The following PRKCA variants were observed in gnomAD, a reference collection of about 807,000 sequenced individuals.
The protein encoded by PRKCA is protein kinase C alpha type.
In PRKCA, 27 loss-of-function variants were observed where a neutral mutation model predicts 87.0. The ratio of observed to expected loss-of-function variants is 0.31; its 90% CI spans 0.23 to 0.43. PRKCA has a LOEUF of 0.43. Ranked by LOEUF, PRKCA falls within the 20% of genes least tolerant of loss-of-function variation. PRKCA has a pLI of 1.00. For synonymous variants in PRKCA, 329 were observed against 311.1 expected, an observed-to-expected ratio of 1.06 and a Z score of -0.61; for missense variants, 518 against 852.3, an observed-to-expected ratio of 0.61 and a Z score of 4.88.
intron 8 of PRKCA, among the ~76,000 whole-genome samples, chr17:66,718,340 T>C (rs1247174089): frequency 2.0e-4 from 31 of 152,134 alleles, no homozygotes; most frequent in Admixed American, 2.0e-3. Context: ...AGAGACAGGG[T>C]CTCATTCTGA....
Position 66,330,462 on chromosome 17 carries a change from C to T in PRKCA, c.205+24335C>T, listed in dbSNP as rs182069634. Among the ~76,000 whole-genome samples, 84 of 152,144 alleles carry T rather than the reference C, an allele frequency of 5.5e-4. 1 individual carries two copies. The highest frequency in any genetic ancestry group is 5.0e-3 in the South Asian group (24 of 4,808). On this transcript the variant is annotated intron_variant, in intron 2 of 16. Coordinates refer to ENST00000413366, the MANE Select transcript of PRKCA (RefSeq NM_002737.3). ...GAGGTACCAAACCCAACTGTTGCCC[C>T]CTTTCCTTTATTTACTTATCCAGGA...
chr17:66,730,108 A>G (rs1973849619), intron 8 of PRKCA, among the ~76,000 whole-genome samples: 1 of 152,182 alleles, frequency 6.6e-6, no homozygotes, highest in Admixed American at 6.5e-5. Flanking sequence ...AGTTATTGTT[A>G]TCGGAGAAAA....
At chr17:66,550,861 T>C (rs1487653840) in intron 3 of PRKCA, among the ~76,000 whole-genome samples, 1 of 152,200 alleles carries the variant, frequency 6.6e-6, no homozygotes. Flanking sequence ...CTGTTGAGCA[T>C]GTAAGAGTGG....
intron 3 of PRKCA, among the ~76,000 whole-genome samples, chr17:66,504,305 TGGGCCACTAGC>T (rs1916873774): frequency 7.1e-6 from 1 of 141,204 alleles, no homozygotes. Flanking sequence ...TTGCACAGGG[TGGGCCACTAGC>T]AGTGGCCCAC....
At chr17:66,408,427 A>G (rs1911545958) in intron 2 of PRKCA, among the ~76,000 whole-genome samples, 2 of 152,216 alleles carry the variant, frequency 1.3e-5, no homozygotes, top group African/African-American at 4.8e-5. Context: ...TTTGAAAACT[A>G]GTTTGTAAAA....
At chr17:66,712,903 G>A (rs920407066) in intron 8 of PRKCA, among the ~76,000 whole-genome samples, 8 of 152,244 alleles carry the variant, frequency 5.3e-5, no homozygotes, top group Non-Finnish European at 7.4e-5. Context: ...GGCTAGATTT[G>A]TGTTTGCTGC....
intron 8 of PRKCA, among the ~76,000 whole-genome samples, chr17:66,693,485 T>C (rs1972833668): frequency 6.6e-6 from 1 of 152,152 alleles, no homozygotes; most frequent in Non-Finnish European, 1.5e-5. Context: ...GCTGCAAAAA[T>C]ATTTGGGAAC....
intron 3 of PRKCA, among the ~76,000 whole-genome samples, chr17:66,602,707 C>T (rs1970085892): frequency 6.6e-6 from 1 of 152,210 alleles, no homozygotes; most frequent in Non-Finnish European, 1.5e-5. Flanking sequence ...GAACATGTAG[C>T]AGGCGTGGAG....
At chr17:66,322,737 G>C (rs1905756554) in intron 2 of PRKCA, among the ~76,000 whole-genome samples, 1 of 151,096 alleles carries the variant, frequency 6.6e-6, no homozygotes, top group Non-Finnish European at 1.5e-5. Flanking sequence ...TCCCACAGTA[G>C]TGGGATTATA....
intron 3 of PRKCA, among the ~76,000 whole-genome samples, chr17:66,504,999 G>A (rs1281627184): frequency 6.6e-6 from 1 of 152,130 alleles, no homozygotes; most frequent in Non-Finnish European, 1.5e-5. Flanking sequence ...ACCACCCTCG[G>A]CACTTGCCCG....
chr17:66,577,782 T>A (rs1210531928), intron 3 of PRKCA, among the ~76,000 whole-genome samples: 1 of 152,128 alleles, frequency 6.6e-6, no homozygotes, highest in Admixed American at 6.5e-5. Context: ...TAGCCAGAAG[T>A]CCCTGCCACA....
intron 8 of PRKCA, among the ~76,000 whole-genome samples, chr17:66,723,609 C>G (rs9910868): frequency 0.31 from 46,152 of 149,894 alleles, 7,642 homozygotes; most frequent in African/African-American, 0.43. Flanking sequence ...GCCTGGTGAA[C>G]AGAGTGAGAC....
At chr17:66,573,748 A>C (rs1969147008) in intron 3 of PRKCA, among the ~76,000 whole-genome samples, 1 of 152,230 alleles carries the variant, frequency 6.6e-6, no homozygotes, top group African/African-American at 2.4e-5. Context: ...GAAGTGCGAC[A>C]TTCACCCATC....
At chr17:66,313,430 A>T (rs1006558338) in intron 2 of PRKCA, among the ~76,000 whole-genome samples, 1 of 152,242 alleles carries the variant, frequency 6.6e-6, no homozygotes, top group African/African-American at 2.4e-5. Context: ...AACATATGTA[A>T]TGGCTAAACC....
At position 66,332,979 on chromosome 17, in the gene PRKCA, A is replaced by C. The variant is rs552671267; in HGVS notation, c.205+26852A>C. ...GTGCTGGGATTACAGGCGTAAGCCAACGTGCCTGGCCGGTTCCTGATATTT... is the reference window on the plus strand; with the variant it reads ...GTGCTGGGATTACAGGCGTAAGCCACCGTGCCTGGCCGGTTCCTGATATTT... On this transcript the variant is annotated intron_variant, in intron 2 of 16. Transcript: ENST00000413366. 5.9e-5 allele frequency among the ~76,000 whole-genome samples: 9 copies of C among 152,296 alleles called. No individual in the cohort carries two copies. In the South Asian group the frequency reaches 1.2e-3, roughly 21 times the overall value.
At chr17:66,424,775 A>G (rs1034839788) in intron 2 of PRKCA, among the ~76,000 whole-genome samples, 11 of 148,314 alleles carry the variant, frequency 7.4e-5, no homozygotes, top group Admixed American at 4.7e-4. Flanking sequence ...TTTGTGACAG[A>G]GTCTTGCTGT....
At chr17:66,394,259 A>G (rs1382163538) in intron 2 of PRKCA, among the ~76,000 whole-genome samples, 1 of 152,216 alleles carries the variant, frequency 6.6e-6, no homozygotes, top group Non-Finnish European at 1.5e-5. Flanking sequence ...GTCCCAGGCC[A>G]GGATCGGAAC....
chr17:66,560,821 T>C (rs1305111054), intron 3 of PRKCA, among the ~76,000 whole-genome samples: 1 of 152,190 alleles, frequency 6.6e-6, no homozygotes, highest in Non-Finnish European at 1.5e-5. Flanking sequence ...GCCCTGGATG[T>C]CATTCTGCTG....
At position 66,774,973 on chromosome 17, in the gene PRKCA, A is replaced by G. The variant is rs1975014536; in HGVS notation, c.1605+906A>G. 5 of 985,304 alleles carry G rather than the reference A, an allele frequency of 5.1e-6. No homozygotes were observed. The South Asian group carries it at 1.4e-4, about 28-fold the overall frequency. 61.0% of individuals were successfully genotyped at this position (985,304 alleles called of 1,614,324 possible). On this transcript the variant is annotated intron_variant, in intron 14 of 16. Transcript: ENST00000413366. ...ATTGCCTAACATGGCACTTTCTAATATAATGGCCTTAATATCTGTGTCATC... is the reference window on the plus strand; with the variant it reads ...ATTGCCTAACATGGCACTTTCTAATGTAATGGCCTTAATATCTGTGTCATC...
Sources: allele counts gnomAD v4.1 joint callset (sites outside exome capture counted in the v4.1 genomes callset), GRCh38; gene constraint gnomAD v4.1.1; transcripts MANE v1.5; gene names NCBI Gene and HGNC (gene_info 2026-07-23, HGNC 2026-07-21).